The following INO80D variants were observed in gnomAD, a reference collection of about 807,000 sequenced individuals.
INO80D encodes the protein INO80 complex subunit D.
INO80D carries 21 observed loss-of-function variants against 87.6 expected under a neutral mutation model. The ratio of observed to expected loss-of-function variants is 0.24; its 90% CI spans 0.17 to 0.35. The LOEUF is 0.35. Among genes scored for constraint, INO80D ranks in the 10% least tolerant of loss-of-function variants. The pLI is 1.00. For missense variants in INO80D, 982 were observed against 1,280.7 expected, an observed-to-expected ratio of 0.77 and a Z score of 3.56; for synonymous variants, 440 against 491.0, an observed-to-expected ratio of 0.90 and a Z score of 1.37.
intron 6 of INO80D, among the ~76,000 whole-genome samples, chr2:206,026,055 A>G (rs1183043904): frequency 6.6e-6 from 1 of 151,768 alleles, no homozygotes; most frequent in Non-Finnish European, 1.5e-5. Flanking sequence ...ACGCCACCAC[A>G]CCTGGCTAAT....
chr2:206,007,529 A>C, intron 9 of INO80D, 88 bp from the exon 10 acceptor site: 1 of 1,442,806 alleles, frequency 6.9e-7, no homozygotes, highest in Non-Finnish European at 9.4e-7. Context: ...CATGAAAAGA[A>C]GCTAACGTCA....
rs934013876 is a variant in INO80D, at chr2:205,995,928, A to G, written c.*8440T>C. The G allele has an allele frequency of 6.6e-6, 1 of 152,168 alleles. No homozygotes were observed. Among genetic ancestry groups the G allele is most frequent in the African/African-American group, 2.4e-5 (1 of 41,460 alleles). The allele number at this position is 152,168 out of a possible 1,614,324, so 9.4% of individuals were successfully genotyped here. On this transcript the variant is annotated 3_prime_UTR_variant, in exon 11 of 11. Coordinates refer to ENST00000403263, the MANE Select transcript of INO80D (RefSeq NM_017759.5). ...CTTGTATGCTTTCCATTAAAATGTA[A>G]ATGGTGAAGTTATGATTAAACTACA...
intron 4 of INO80D, among the ~76,000 whole-genome samples, chr2:206,047,944 G>A (rs569922140): frequency 6.6e-6 from 1 of 150,586 alleles, no homozygotes; most frequent in Non-Finnish European, 1.5e-5. Flanking sequence ...TCCGCCTCCT[G>A]GGTTCACGCC....
intron 8 of INO80D, among the ~76,000 whole-genome samples, chr2:206,010,083 A>ACG (rs1688130822): frequency 6.6e-6 from 1 of 151,280 alleles, no homozygotes; most frequent in Admixed American, 6.6e-5. Flanking sequence ...ACACACACAC[A>ACG]CACGCACACA....
intron 1 of INO80D, among the ~76,000 whole-genome samples, chr2:206,064,716 A>C (rs1165948749): frequency 6.6e-6 from 1 of 152,226 alleles, no homozygotes; most frequent in Non-Finnish European, 1.5e-5. Context: ...ATTACTATTC[A>C]CAAGTGTTCA....
intron 7 of INO80D, among the ~76,000 whole-genome samples, chr2:206,018,803 G>A (rs1232582606): frequency 2.0e-5 from 3 of 152,134 alleles, no homozygotes; most frequent in African/African-American, 7.2e-5. Context: ...TCAGGAGGCT[G>A]TGATGCAAAG....
chr2:206,005,596 A>C (rs1358448422), intron 10 of INO80D, 63 bp from the exon 11 acceptor site: 7 of 1,226,934 alleles, frequency 5.7e-6, no homozygotes, highest in Non-Finnish European at 6.8e-6. Context: ...CACAAAAATC[A>C]CACATTTGAA....
intron 1 of INO80D, among the ~76,000 whole-genome samples, chr2:206,070,297 G>A (rs1191005669): frequency 6.6e-6 from 1 of 152,050 alleles, no homozygotes; most frequent in Non-Finnish European, 1.5e-5. Context: ...GGTGGCATGT[G>A]CCTGTAGTCC....
rs1465523644 is a variant in INO80D, at chr2:206,012,887, AC to A, written c.1543-3094del. On this transcript the variant is annotated intron_variant, in intron 8 of 10. Coordinates refer to ENST00000403263, the MANE Select transcript of INO80D (RefSeq NM_017759.5). Reference sequence around the variant, plus strand: ...TGTCTCAAAAAAAAAAAAAAAAAAAACCAGAGCCTAGATTTGCACATACTTT... The same window carrying A: ...TGTCTCAAAAAAAAAAAAAAAAAAAACAGAGCCTAGATTTGCACATACTTT... Among the ~76,000 whole-genome samples the A allele has an allele frequency of 1.1e-4, 17 of 150,628 alleles. 1 individual carries two copies. The South Asian group carries it at 3.6e-3, about 32-fold the overall frequency.
At chr2:206,060,532 CA>C (rs140826666) in intron 3 of INO80D, among the ~76,000 whole-genome samples, 52,116 of 136,500 alleles carry the variant, frequency 0.38, 10,167 homozygotes, top group African/African-American at 0.56. Context: ...GAGACTCCGT[CA>C]AAAAAAAAAA....
intron 6 of INO80D, among the ~76,000 whole-genome samples, chr2:206,024,754 ATTT>A (rs1688557408): frequency 6.6e-6 from 1 of 152,066 alleles, no homozygotes; most frequent in Non-Finnish European, 1.5e-5. Flanking sequence ...TGTTTTATTT[ATTT>A]ATCTTTTTTT....
chr2:206,032,597 C>T (rs1411810858), intron 5 of INO80D, among the ~76,000 whole-genome samples: 1 of 152,128 alleles, frequency 6.6e-6, no homozygotes, highest in Non-Finnish European at 1.5e-5. Flanking sequence ...ATAAAGAAAA[C>T]CTGTGAGATT....
intron 4 of INO80D, among the ~76,000 whole-genome samples, chr2:206,047,569 A>C (rs1044148297): frequency 2.0e-5 from 3 of 152,196 alleles, no homozygotes; most frequent in Non-Finnish European, 2.9e-5. Flanking sequence ...AGAAAAACAT[A>C]AAATACAAAC....
At chr2:206,080,630 G>A (rs10170576) in intron 1 of INO80D, among the ~76,000 whole-genome samples, 45,744 of 151,820 alleles carry the variant, frequency 0.3, 7,560 homozygotes, top group African/African-American at 0.45. Flanking sequence ...AAATCTGGCC[G>A]GGCGCGGTGG....
intron 8 of INO80D, among the ~76,000 whole-genome samples, chr2:206,013,031 C>T (rs192853437): frequency 6.6e-6 from 1 of 151,698 alleles, no homozygotes; most frequent in Non-Finnish European, 1.5e-5. Flanking sequence ...CAGATTCTAA[C>T]TGTCTTCAGA....
rs1477302142 is a variant in INO80D at position 205,995,007 on chromosome 2, A to G, written c.*9361T>C. Reference sequence around the variant, plus strand: ...TTTGAATTTTGAACAAGGCAAAATAACAATTAGGTGATATATTTCCCTGCA... The same window carrying G: ...TTTGAATTTTGAACAAGGCAAAATAGCAATTAGGTGATATATTTCCCTGCA... On this transcript the variant is annotated 3_prime_UTR_variant, in exon 11 of 11. Coordinates refer to ENST00000403263, the MANE Select transcript of INO80D (RefSeq NM_017759.5). 2.6e-5 allele frequency: 4 copies of G among 152,196 alleles called. No homozygotes were observed. The highest frequency in any genetic ancestry group is 4.8e-5 in the African/African-American group (2 of 41,458). 9.4% of individuals were successfully genotyped at this position (152,196 alleles called of 1,614,324 possible). A position where few individuals can be genotyped will look rare whatever the true frequency, so the allele number is the denominator to read the frequency against.
chr2:206,006,682 C>CAA lies in INO80D; in HGVS notation c.1918+600_1918+601dup, dbSNP rs141777082. Among the ~76,000 whole-genome samples the CAA allele has an allele frequency of 2.3e-3, 225 of 97,114 alleles. No homozygotes were observed. The Middle Eastern group carries it at 0.024, about 11-fold the overall frequency. The allele number at this position is 97,114 out of a possible 152,430, so 63.7% of individuals were successfully genotyped here. ...TGAGCGACAGAGCGAGACTCCATCT[C>CAA]AAAAAAAAAAAAAAAAAGTCATATT... On this transcript the variant is annotated intron_variant, in intron 10 of 10. Transcript: ENST00000403263.
intron 6 of INO80D, among the ~76,000 whole-genome samples, chr2:206,026,201 G>GT (rs1213141250): frequency 5.9e-5 from 9 of 151,962 alleles, no homozygotes; most frequent in Non-Finnish European, 8.8e-5. Flanking sequence ...ACCCAGCCAT[G>GT]TTTTGAAATT....
rs1054111486 is a variant in INO80D, at chr2:206,076,687, A to G, written c.-124+9214T>C. 3.9e-5 allele frequency among the ~76,000 whole-genome samples: 6 copies of G among 152,354 alleles called. No homozygotes were observed. In the East Asian group the frequency reaches 1.2e-3, roughly 29 times the overall value. ...GACAGCACTGTACAAGTAAGTTTGC[A>G]TTAGGAATTTCAATGAACTTTACAC... On this transcript the variant is annotated intron_variant, in intron 1 of 10. Coordinates refer to ENST00000403263, the MANE Select transcript of INO80D (RefSeq NM_017759.5).
Sources: gnomAD v4.1 joint callset for allele counts (sites outside exome capture counted in the v4.1 genomes callset) on GRCh38, gnomAD v4.1.1 for gene constraint, MANE v1.5 for transcripts, NCBI Gene and HGNC (gene_info 2026-07-23, HGNC 2026-07-21) for gene names.